ADAMTS16: variants seen among roughly 807,000 people sequenced by gnomAD.
The protein encoded by ADAMTS16 is A disintegrin and metalloproteinase with thrombospondin motifs 16.
A neutral mutation model predicts 145.8 loss-of-function variants in ADAMTS16; 94 were observed. The ratio of observed to expected loss-of-function variants is 0.64; its 90% CI spans 0.55 to 0.77. The LOEUF (loss-of-function observed/expected upper bound fraction) is 0.77. Ranked by LOEUF, ADAMTS16 falls within the 30% of genes least tolerant of loss-of-function variation. The pLI, the probability that ADAMTS16 is intolerant of heterozygous loss-of-function variation, is 0.00. For synonymous variants in ADAMTS16, 659 were observed against 604.3 expected (o/e 1.09, Z -1.33); for missense variants, 1,585 against 1,591.5 (o/e 1.00, Z 0.07).
intron 9 of ADAMTS16, among the ~76,000 whole-genome samples, chr5:5,207,030 T>C (rs1467454152): frequency 6.6e-6 from 1 of 152,236 alleles, no homozygotes; most frequent in Non-Finnish European, 1.5e-5. Context: ...CTGGTTATTT[T>C]AAGTGTTTTG....
At chr5:5,146,531 C>T in intron 3 of ADAMTS16, 76 bp downstream of exon 3, 9 of 1,395,006 alleles carry the variant, frequency 6.5e-6, no homozygotes, top group Middle Eastern at 5.1e-4. Context: ...AGGACTTTCC[C>T]TCGATTTCGC....
chr5:5,272,238 G>A (rs892896332), intron 18 of ADAMTS16, among the ~76,000 whole-genome samples: 4 of 152,040 alleles, frequency 2.6e-5, no homozygotes, highest in Non-Finnish European at 4.4e-5. Flanking sequence ...GTAGCTGAGC[G>A]TTCCCAAGCA....
chr5:5,303,204 G>A, intron 18 of ADAMTS16, 64 bp from the exon 19 acceptor site: 1 of 1,454,396 alleles, frequency 6.9e-7, no homozygotes, highest in Non-Finnish European at 9.1e-7. Context: ...CACATCAGAT[G>A]TGGGGCCGCT....
rs867845882 is a variant in ADAMTS16 at position 5,222,849 on chromosome 5, C to T, written c.1666C>T (p.Pro556Ser). 4 of 1,614,076 alleles carry T rather than the reference C, an allele frequency of 2.5e-6. No homozygotes were observed. The highest frequency in any genetic ancestry group is 3.3e-5 in the Admixed American group (2 of 60,016). Residue 556 changes from proline to serine, a missense_variant, in exon 11 of 23, where the codon CCA (proline) becomes TCA (serine). Pro to Ser is a moderately conservative substitution (Grantham distance 74). Coordinates refer to ENST00000274181, the MANE Select transcript of ADAMTS16 (RefSeq NM_139056.4). ...IGRKCETKFM[P>S]AAEGTICGHD... ...AAGGAAATGTGAGACTAAATTTATG[C>T]CAGCAGCAGAAGGCACAATTTGTGG...
rs55875918 is a variant in ADAMTS16, at chr5:5,227,505, CTGTGTG to C, written c.1701+4659_1701+4664del. ...TGTGTGCCTAAAATTAGATCTAATA[CTGTGTG>C]TGTGTGTGTGTGTGTGTGTGTGTGT... is the stretch of plus-strand genomic sequence containing the variant. On this transcript the variant is annotated intron_variant, in intron 11 of 22. Coordinates refer to ENST00000274181, the MANE Select transcript of ADAMTS16 (RefSeq NM_139056.4). Among the ~76,000 whole-genome samples the C allele has an allele frequency of 6.8e-3, 1,010 of 148,462 alleles. 6 individuals carry two copies. Among genetic ancestry groups the C allele is most frequent in the South Asian group, 0.019 (84 of 4,508 alleles).
rs34919656 is a variant in ADAMTS16 at position 5,281,332 on chromosome 5, A to T, written c.2789+18549A>T. On this transcript the variant is annotated intron_variant, in intron 18 of 22. Coordinates refer to ENST00000274181, the MANE Select transcript of ADAMTS16 (RefSeq NM_139056.4). ...GATAAAAGGTTTTTAAAACTTTTGT[A>T]TTAAAACATGTATTTTAACACTTCG... 1.8e-4 allele frequency among the ~76,000 whole-genome samples: 28 copies of T among 152,244 alleles called. No individual in the cohort carries two copies. In the East Asian group the frequency reaches 5.2e-3, roughly 28 times the overall value.
At chr5:5,246,421 G>C (rs1008189797) in intron 17 of ADAMTS16, among the ~76,000 whole-genome samples, 1 of 151,886 alleles carries the variant, frequency 6.6e-6, no homozygotes, top group African/African-American at 2.4e-5. Context: ...GATATTTCTA[G>C]GGCTTAAGGT....
intron 10 of ADAMTS16, among the ~76,000 whole-genome samples, chr5:5,212,592 T>C (rs1459498167): frequency 6.6e-6 from 1 of 152,194 alleles, no homozygotes; most frequent in Non-Finnish European, 1.5e-5. Context: ...TATTTGATAC[T>C]AATATAGCCA....
rs926181584 is a variant in ADAMTS16, at chr5:5,319,472, C to T, written c.*334C>T. 1 of 329,872 alleles carries T rather than the reference C, an allele frequency of 3.0e-6. No homozygotes were observed. Among genetic ancestry groups the T allele is most frequent in the Non-Finnish European group, 5.7e-6 (1 of 175,592 alleles). 20.4% of individuals were successfully genotyped at this position (329,872 alleles called of 1,614,324 possible). On this transcript the variant is annotated 3_prime_UTR_variant, in exon 23 of 23. Coordinates refer to ENST00000274181, the MANE Select transcript of ADAMTS16 (RefSeq NM_139056.4). ...AGCTAAATCAAGTCAAAAAGACAGG[C>T]GAGGCTGAACTTGCTAAATGTCTGG...
intron 3 of ADAMTS16, among the ~76,000 whole-genome samples, chr5:5,161,959 C>G (rs921617573): frequency 1.3e-5 from 2 of 152,150 alleles, no homozygotes; most frequent in Non-Finnish European, 2.9e-5. Flanking sequence ...TCTCCAACTC[C>G]CAAACCAAAG....
intron 18 of ADAMTS16, among the ~76,000 whole-genome samples, chr5:5,265,428 G>T (rs74994604): frequency 0.018 from 2,814 of 152,290 alleles, 86 homozygotes; most frequent in African/African-American, 0.064. Context: ...TGGAATCTCG[G>T]TTTGCCAACT....
chr5:5,302,400 G>A (rs1002890062), intron 18 of ADAMTS16, among the ~76,000 whole-genome samples: 1 of 152,150 alleles, frequency 6.6e-6, no homozygotes, highest in Non-Finnish European at 1.5e-5. Context: ...GATAACTTAC[G>A]CAATAATCAT....
Position 5,262,655 on chromosome 5 carries a change from A to G in ADAMTS16, c.2663-2A>G. ...TATTCTACATTTCATCCTTGCCTGC[A>G]GGACAGATGACCGTGAGAGAGGGCT... is the stretch of plus-strand genomic sequence containing the variant. On this transcript the variant is annotated splice_acceptor_variant, in intron 17 of 22. Coordinates refer to ENST00000274181, the MANE Select transcript of ADAMTS16 (RefSeq NM_139056.4). LOFTEE classifies it high-confidence loss of function. The G allele has an allele frequency of 1.9e-6, 3 of 1,613,368 alleles. No homozygotes were observed. Among genetic ancestry groups the G allele is most frequent in the Non-Finnish European group, 2.5e-6 (3 of 1,179,706 alleles).
At chr5:5,213,979 A>G (rs1736347585) in intron 10 of ADAMTS16, among the ~76,000 whole-genome samples, 1 of 152,232 alleles carries the variant, frequency 6.6e-6, no homozygotes. Context: ...GCTGCTGAAC[A>G]GGCCTCTACT....
At chr5:5,213,599 T>C (rs1192785558) in intron 10 of ADAMTS16, among the ~76,000 whole-genome samples, 4 of 152,344 alleles carry the variant, frequency 2.6e-5, no homozygotes, top group African/African-American at 4.8e-5. Flanking sequence ...AAGACTTTGC[T>C]TTATTCTTCA....
At chr5:5,237,225 G>A in intron 14 of ADAMTS16, 126 bp downstream of exon 14, 2 of 974,008 alleles carry the variant, frequency 2.1e-6, no homozygotes, top group Admixed American at 5.7e-5. Flanking sequence ...GCAGCCCAGT[G>A]GGGAGAAAGC....
chr5:5,312,841 T>G lies in ADAMTS16; in HGVS notation c.3412-5293T>G, dbSNP rs182680477. Among the ~76,000 whole-genome samples, 12 of 152,280 alleles carry G rather than the reference T, an allele frequency of 7.9e-5. No individual in the cohort carries two copies. The East Asian group carries it at 2.3e-3, about 29-fold the overall frequency. On this transcript the variant is annotated intron_variant, in intron 21 of 22. Transcript: ENST00000274181. ...GAGCTAGGCAGCTGAGTCGAGGCAT[T>G]TCTCAGGCAGATACTTTGCCTTCTC...
In ADAMTS16 at chr5:5,317,371, T is replaced by C. The variant is rs1227429137; in HGVS notation, c.3412-763T>C. Among the ~76,000 whole-genome samples, 1 of 151,910 alleles carries C rather than the reference T, an allele frequency of 6.6e-6. No homozygotes were observed. Among genetic ancestry groups the C allele is most frequent in the East Asian group, 1.9e-4 (1 of 5,144 alleles). ...AATCCATGAATATCAGCTTTTTTAATCAGTATACTTACTTACTTACTTACT... is the reference window on the plus strand; with the variant it reads ...AATCCATGAATATCAGCTTTTTTAACCAGTATACTTACTTACTTACTTACT... On this transcript the variant is annotated intron_variant, in intron 21 of 22. Coordinates refer to ENST00000274181, the MANE Select transcript of ADAMTS16 (RefSeq NM_139056.4). This position sits in a 1 kb window ranked among gnomAD's most constrained non-coding sequence, Gnocchi z 4.5.
chr5:5,145,798 G>C (rs561858672), intron 2 of ADAMTS16, among the ~76,000 whole-genome samples: 1 of 152,272 alleles, frequency 6.6e-6, no homozygotes, highest in South Asian at 2.1e-4. Flanking sequence ...CCCTGACTCA[G>C]CTACAGTGGT....
Sources: gnomAD v4.1 joint callset for allele counts (sites outside exome capture counted in the v4.1 genomes callset) on GRCh38, gnomAD v4.1.1 for gene constraint, Gnocchi (gnomAD v3.1) non-coding constraint, MANE v1.5 for transcripts, NCBI Gene and HGNC (gene_info 2026-07-23, HGNC 2026-07-21) for gene names.